The following GPC5 variants were observed in gnomAD, a reference collection of about 807,000 sequenced individuals.
GPC5 encodes the protein glypican-5.
A neutral mutation model predicts 53.9 loss-of-function variants in GPC5; 47 were observed. That is an observed-to-expected ratio of 0.87 (90% CI 0.69 to 1.11). The LOEUF (loss-of-function observed/expected upper bound fraction) is 1.11. Among genes scored for constraint, GPC5 ranks in the 50% most tolerant of loss-of-function variants. GPC5 has a pLI of 0.00. For missense variants in GPC5, 748 were observed against 713.1 expected, an observed-to-expected ratio of 1.05 and a Z score of -0.56; for synonymous variants, 286 against 263.3, an observed-to-expected ratio of 1.09 and a Z score of -0.84.
At chr13:92,051,533 C>T (rs2041029673) in intron 6 of GPC5, among the ~76,000 whole-genome samples, 1 of 152,080 alleles carries the variant, frequency 6.6e-6, no homozygotes, top group Non-Finnish European at 1.5e-5. Context: ...CCATGTGATG[C>T]ATAGGCTGCT....
intron 6 of GPC5, among the ~76,000 whole-genome samples, chr13:92,055,051 CTAAA>C (rs2041063516): frequency 6.6e-6 from 1 of 152,070 alleles, no homozygotes; most frequent in Admixed American, 6.6e-5. Context: ...TTGTTGTATT[CTAAA>C]TAACAGCACT....
intron 7 of GPC5, among the ~76,000 whole-genome samples, chr13:92,695,359 G>A (rs1887528075): frequency 6.6e-6 from 1 of 152,110 alleles, no homozygotes; most frequent in Admixed American, 6.6e-5. Flanking sequence ...TTGAATATTT[G>A]TGTGTGTGGT....
intron 5 of GPC5, among the ~76,000 whole-genome samples, chr13:91,810,725 A>C (rs1386240531): frequency 6.6e-6 from 1 of 151,968 alleles, no homozygotes; most frequent in Non-Finnish European, 1.5e-5. Context: ...ATAACAGGTT[A>C]TACATATTTT....
intron 6 of GPC5, among the ~76,000 whole-genome samples, chr13:92,131,319 T>A (rs2041741395): frequency 6.6e-6 from 1 of 152,030 alleles, no homozygotes. Flanking sequence ...GACCCAGCAA[T>A]TCCACTCCTG....
At chr13:91,997,445 T>C (rs2040513834) in intron 6 of GPC5, among the ~76,000 whole-genome samples, 1 of 152,154 alleles carries the variant, frequency 6.6e-6, no homozygotes, top group African/African-American at 2.4e-5. Context: ...TCCAGACCAG[T>C]TCCCTCTATT....
chr13:92,085,865 G>A (rs2041331604), intron 6 of GPC5, among the ~76,000 whole-genome samples: 1 of 152,118 alleles, frequency 6.6e-6, no homozygotes, highest in South Asian at 2.1e-4. Flanking sequence ...AGCTCAGGGG[G>A]TAACAAGAGC....
At chr13:92,645,868 ATTGT>A (rs1885751424) in intron 7 of GPC5, among the ~76,000 whole-genome samples, 1 of 151,806 alleles carries the variant, frequency 6.6e-6, no homozygotes, top group Non-Finnish European at 1.5e-5. Flanking sequence ...TTTTAACCAA[ATTGT>A]TTGGCTTCTT....
chr13:91,675,260 A>G (rs1192612249), intron 2 of GPC5, among the ~76,000 whole-genome samples: 8 of 152,198 alleles, frequency 5.3e-5, no homozygotes, highest in Non-Finnish European at 1.0e-4. Context: ...CAATAAGTAT[A>G]AGGACTTAGT....
intron 7 of GPC5, among the ~76,000 whole-genome samples, chr13:92,604,866 A>T (rs942289529): frequency 2.0e-5 from 3 of 152,190 alleles, no homozygotes; most frequent in African/African-American, 7.2e-5. Context: ...TTTCTCATTA[A>T]TATACAAGCT....
chr13:91,812,302 C>A (rs547597909), intron 5 of GPC5, among the ~76,000 whole-genome samples: 1 of 152,092 alleles, frequency 6.6e-6, no homozygotes, highest in Non-Finnish European at 1.5e-5. Flanking sequence ...TATTTATGTG[C>A]CTGTTTTTTA....
At chr13:92,123,828 T>C (rs1356582783) in intron 6 of GPC5, among the ~76,000 whole-genome samples, 2 of 152,214 alleles carry the variant, frequency 1.3e-5, no homozygotes, top group Non-Finnish European at 2.9e-5. Context: ...ATTCAAAGCA[T>C]ACATTACCAA....
At chr13:91,947,743 A>G (rs1344940100) in intron 6 of GPC5, among the ~76,000 whole-genome samples, 2 of 152,134 alleles carry the variant, frequency 1.3e-5, no homozygotes, top group Non-Finnish European at 2.9e-5. Flanking sequence ...TTTTGCTTCC[A>G]ATTCTGCAAT....
At chr13:91,424,440 C>T (rs1974027) in intron 1 of GPC5, among the ~76,000 whole-genome samples, 11,299 of 149,120 alleles carry the variant, frequency 0.076, 1,393 homozygotes, top group African/African-American at 0.26. Flanking sequence ...TCTCGGCTCA[C>T]TGAAACCTCT....
intron 6 of GPC5, among the ~76,000 whole-genome samples, chr13:92,010,205 C>T (rs1274125966): frequency 6.6e-6 from 1 of 152,112 alleles, no homozygotes; most frequent in Non-Finnish European, 1.5e-5. Flanking sequence ...TGCTTCAATA[C>T]GTTTATCAGC....
At chr13:92,738,767 G>A (rs751602035) in intron 7 of GPC5, among the ~76,000 whole-genome samples, 23 of 152,018 alleles carry the variant, frequency 1.5e-4, no homozygotes, top group Admixed American at 3.3e-4. Flanking sequence ...CAAAAATTCT[G>A]TAGGATTTTC....
chr13:92,748,235 T>C (rs1173179918), intron 7 of GPC5, among the ~76,000 whole-genome samples: 1 of 151,602 alleles, frequency 6.6e-6, no homozygotes, highest in Non-Finnish European at 1.5e-5. Context: ...TACATCATAA[T>C]AATTAAAGTA....
intron 2 of GPC5, among the ~76,000 whole-genome samples, chr13:91,596,974 C>T (rs952648465): frequency 3.9e-5 from 6 of 152,146 alleles, no homozygotes; most frequent in South Asian, 2.1e-4. Context: ...CAAACTCTGC[C>T]GCTTTGATTT....
intron 5 of GPC5, among the ~76,000 whole-genome samples, chr13:91,805,695 C>T (rs1410316508): frequency 6.6e-6 from 1 of 152,138 alleles, no homozygotes; most frequent in Non-Finnish European, 1.5e-5. Context: ...GTGTTATTCC[C>T]ACTTCAAATT....
chr13:91,520,616 C>G (rs955723702), intron 2 of GPC5, among the ~76,000 whole-genome samples: 1 of 152,018 alleles, frequency 6.6e-6, no homozygotes, highest in African/African-American at 2.4e-5. Flanking sequence ...TTACTAGAAT[C>G]CCATAAGATA....
Sources: gnomAD v4.1 joint callset for allele counts (sites outside exome capture counted in the v4.1 genomes callset) on GRCh38, gnomAD v4.1.1 for gene constraint, MANE v1.5 for transcripts, NCBI Gene and HGNC (gene_info 2026-07-23, HGNC 2026-07-21) for gene names.